Variants in NFAT5 observed in about 807,000 individuals in gnomAD.
NFAT5 encodes the protein nuclear factor of activated T cells 5.
NFAT5 carries 31 observed loss-of-function variants against 166.5 expected under a neutral mutation model. The ratio of observed to expected loss-of-function variants is 0.19; its 90% CI spans 0.14 to 0.25. The LOEUF (loss-of-function observed/expected upper bound fraction) is 0.25, where lower values mean the gene tolerates loss of function less well. Among genes scored for constraint, NFAT5 ranks in the 10% least tolerant of loss-of-function variants. The pLI is 1.00. For missense variants in NFAT5, 1,449 were observed against 1,821.8 expected, an observed-to-expected ratio of 0.80 and a Z score of 3.72; for synonymous variants, 612 against 639.7, an observed-to-expected ratio of 0.96 and a Z score of 0.65.
At chr16:69,630,199 T>C (rs544116027) in intron 3 of NFAT5, among the ~76,000 whole-genome samples, 1 of 151,970 alleles carries the variant, frequency 6.6e-6, no homozygotes, top group Non-Finnish European at 1.5e-5. Flanking sequence ...ATTTTTGTGT[T>C]TTTTGTAGAG....
At chr16:69,644,938 T>C (rs2035374034) in intron 3 of NFAT5, 1 of 421,966 alleles carries the variant, frequency 2.4e-6, no homozygotes, top group Admixed American at 2.7e-5. Context: ...TATTGCATGC[T>C]GCATACTTGT....
At chr16:69,668,216 G>A (rs981669417) in intron 7 of NFAT5, among the ~76,000 whole-genome samples, 1 of 152,076 alleles carries the variant, frequency 6.6e-6, no homozygotes, top group Non-Finnish European at 1.5e-5. Context: ...TCGAACTCCT[G>A]ACCTCAGGTG....
At chr16:69,657,914 T>C (rs2035956990) in intron 6 of NFAT5, among the ~76,000 whole-genome samples, 1 of 150,694 alleles carries the variant, frequency 6.6e-6, no homozygotes, top group Non-Finnish European at 1.5e-5. Context: ...TGAAACCCCG[T>C]CTCTACTAAA....
intron 9 of NFAT5, among the ~76,000 whole-genome samples, chr16:69,676,359 A>G (rs1026429978): frequency 5.3e-5 from 8 of 152,228 alleles, no homozygotes; most frequent in Non-Finnish European, 8.8e-5. Context: ...AACTAAAAAC[A>G]TCTTTGGTTT....
intron 7 of NFAT5, among the ~76,000 whole-genome samples, chr16:69,667,746 T>C (rs1431415985): frequency 7.1e-6 from 1 of 141,500 alleles, no homozygotes; most frequent in African/African-American, 3.2e-5. Flanking sequence ...AATATATTAA[T>C]GTAATTTTAA....
At chr16:69,585,090 C>G (rs940221337) in intron 2 of NFAT5, among the ~76,000 whole-genome samples, 2 of 151,882 alleles carry the variant, frequency 1.3e-5, no homozygotes, top group Admixed American at 6.6e-5. Context: ...CTCTGCCTCC[C>G]GGGTTGAAGC....
At chr16:69,585,383 G>A (rs1410320455) in intron 2 of NFAT5, among the ~76,000 whole-genome samples, 1 of 151,882 alleles carries the variant, frequency 6.6e-6, no homozygotes, top group East Asian at 1.9e-4. Flanking sequence ...TGGTGGTAAT[G>A]TAAAATGGTG....
intron 3 of NFAT5, among the ~76,000 whole-genome samples, chr16:69,635,212 C>T (rs140626072): frequency 5.8e-4 from 88 of 151,840 alleles, no homozygotes; most frequent in African/African-American, 2.0e-3. Context: ...GGTTTCACCA[C>T]GTTGGCCAGG....
rs2037568587 is a variant in NFAT5, at chr16:69,692,043, T to C, written c.2218T>C (p.Leu740=). The C allele has an allele frequency of 3.1e-6, 5 of 1,614,036 alleles. No homozygotes were observed. The Middle Eastern group carries it at 4.9e-4, about 159-fold the overall frequency. ...AAGAGAAACTCAGTCTAGAGAGATA[T>C]TACAGTCAGATGGTACAGTGGTTAA... ...QTRETQSREI[L]QSDGTVVNLS... The change falls in exon 13 of 15, where the codon TTA becomes CTA. Residue 740 remains leucine, a synonymous_variant. Transcript: ENST00000349945.
chr16:69,590,590 C>T (rs1342589485), intron 2 of NFAT5, among the ~76,000 whole-genome samples: 1 of 152,200 alleles, frequency 6.6e-6, no homozygotes, highest in Admixed American at 6.5e-5. Flanking sequence ...GTGGTTTAAA[C>T]CAAATCATGT....
intron 11 of NFAT5, among the ~76,000 whole-genome samples, chr16:69,688,188 G>A (rs1388545709): frequency 9.4e-6 from 1 of 106,084 alleles, no homozygotes; most frequent in East Asian, 3.6e-4. Context: ...GGGCGACAGA[G>A]CGAGACTCCG....
intron 3 of NFAT5, among the ~76,000 whole-genome samples, chr16:69,644,510 G>A (rs918579651): frequency 2.0e-5 from 3 of 152,082 alleles, no homozygotes; most frequent in South Asian, 2.1e-4. Flanking sequence ...ACACACAATC[G>A]TGTGTTAGCT....
intron 3 of NFAT5, among the ~76,000 whole-genome samples, chr16:69,640,353 T>C (rs2035149677): frequency 1.3e-5 from 2 of 152,210 alleles, no homozygotes. Flanking sequence ...GGATTGATAC[T>C]GATTGAAACT....
chr16:69,631,409 C>T (rs1335427552), intron 3 of NFAT5, among the ~76,000 whole-genome samples: 4 of 151,620 alleles, frequency 2.6e-5, no homozygotes, highest in African/African-American at 9.7e-5. Context: ...CCAGCCTGGG[C>T]GATAGAGTGA....
chr16:69,583,769 A>G (rs774287220), intron 2 of NFAT5, among the ~76,000 whole-genome samples: 2 of 152,164 alleles, frequency 1.3e-5, no homozygotes, highest in Non-Finnish European at 2.9e-5. Flanking sequence ...ATATTTATTG[A>G]ATGAAAGAGT....
intron 7 of NFAT5, among the ~76,000 whole-genome samples, chr16:69,669,048 C>G (rs2036519072): frequency 6.6e-6 from 1 of 152,166 alleles, no homozygotes. Context: ...GTGCATACTA[C>G]CACGCCCAGC....
At chr16:69,645,648 A>G (rs745396786) in intron 3 of NFAT5, among the ~76,000 whole-genome samples, 2 of 152,174 alleles carry the variant, frequency 1.3e-5, no homozygotes, top group African/African-American at 2.4e-5. Flanking sequence ...GTATGTTGCA[A>G]TTCCAATAAC....
Position 69,692,678 on chromosome 16 carries a change from G to A in NFAT5, c.2853G>A (p.Gln951=). 6.2e-7 allele frequency: 1 copy of A among 1,614,212 alleles called. No homozygotes were observed. The highest frequency in any genetic ancestry group is 8.5e-7 in the Non-Finnish European group (1 of 1,180,044). ...ACCTTCAGCAATCGCCAGTTTACCAGCAGACTTCTCACATGATGAGTGCAT... is the reference window on the plus strand; with the variant it reads ...ACCTTCAGCAATCGCCAGTTTACCAACAGACTTCTCACATGATGAGTGCAT... ...NGNLQQSPVY[Q]QTSHMMSALS... The change falls in exon 13 of 15, where the codon CAG becomes CAA. Residue 951 remains glutamine (Q), a synonymous_variant. Coordinates refer to ENST00000349945, the MANE Select transcript of NFAT5 (RefSeq NM_138713.4).
At chr16:69,686,431 G>A (rs2037307588) in intron 11 of NFAT5, among the ~76,000 whole-genome samples, 1 of 152,134 alleles carries the variant, frequency 6.6e-6, no homozygotes, top group South Asian at 2.1e-4. Flanking sequence ...ACTGAGGTAG[G>A]AGGATTGCTT....
Sources: gnomAD v4.1 joint callset for allele counts (sites outside exome capture counted in the v4.1 genomes callset) on GRCh38, gnomAD v4.1.1 for gene constraint, MANE v1.5 for transcripts, NCBI Gene and HGNC (gene_info 2026-07-23, HGNC 2026-07-21) for gene names.